The following BIRC6 variants were observed in gnomAD, a reference collection of about 807,000 sequenced individuals.
BIRC6 encodes the protein baculoviral IAP repeat containing 6.
Under a neutral mutation model 503.3 loss-of-function variants are expected in BIRC6, and 98 were observed. The ratio of observed to expected loss-of-function variants is 0.19; its 90% CI spans 0.17 to 0.23. The LOEUF (loss-of-function observed/expected upper bound fraction) is 0.23, where lower values mean the gene tolerates loss of function less well. Ranked by LOEUF, BIRC6 falls within the 10% of genes least tolerant of loss-of-function variation. The pLI, the probability that BIRC6 is intolerant of heterozygous loss-of-function variation, is 1.00. For missense variants in BIRC6, 5,360 were observed against 5,806.0 expected (o/e 0.92, Z 2.50); for synonymous variants, 2,240 against 2,078.7 (o/e 1.08, Z -2.11).
chr2:32,581,575 C>T (rs1435950831), intron 66 of BIRC6, among the ~76,000 whole-genome samples: 1 of 152,012 alleles, frequency 6.6e-6, no homozygotes, highest in African/African-American at 2.4e-5. Flanking sequence ...TTCAAATTAC[C>T]CCCATAGCGG....
chr2:32,587,162 A>G (rs1559111226), intron 66 of BIRC6, among the ~76,000 whole-genome samples: 1 of 152,160 alleles, frequency 6.6e-6, no homozygotes, highest in Non-Finnish European at 1.5e-5. Context: ...GCTGTGGCAC[A>G]CAGATCATGA....
chr2:32,440,779 T>G (rs1261918641), intron 16 of BIRC6, among the ~76,000 whole-genome samples: 1 of 151,010 alleles, frequency 6.6e-6, no homozygotes, highest in Non-Finnish European at 1.5e-5. Flanking sequence ...ATTATTATTA[T>G]TGAGTCAGAG....
At chr2:32,537,698 G>A (rs1461650147) in intron 61 of BIRC6, among the ~76,000 whole-genome samples, 1 of 152,172 alleles carries the variant, frequency 6.6e-6, no homozygotes, top group Non-Finnish European at 1.5e-5. Context: ...CGGGCGCAGT[G>A]GCTCAAGCCT....
In BIRC6 at chr2:32,529,803, A is replaced by G; in HGVS notation, c.12073A>G (p.Lys4025Glu). 1 of 1,610,254 alleles carries G rather than the reference A, an allele frequency of 6.2e-7. No individual in the cohort carries two copies. The highest frequency in any genetic ancestry group is 1.1e-5 in the South Asian group (1 of 90,452). ...DPSLSKTDSY[K>E]RLHPEKDHGD... ...CAGTCTATCAAAAACAGATTCTTAT[A>G]AAAGACTACACCCTGAAAAAGGTAT... The change falls in exon 60 of 74, where the codon AAA becomes GAA. Residue 4025 changes from lysine (K) to glutamate (E), a missense_variant. Lys to Glu is a moderately conservative substitution (Grantham distance 56). Around this residue, in one of 16 missense-constraint regions of BIRC6, gnomAD observed 878 missense variants for 928.9 expected, o/e 0.95. Coordinates refer to ENST00000421745, the MANE Select transcript of BIRC6 (RefSeq NM_016252.4).
chr2:32,431,190 T>C (rs1419605482), intron 12 of BIRC6, 100 bp downstream of exon 12: 1 of 492,036 alleles, frequency 2.0e-6, no homozygotes, highest in Admixed American at 4.6e-5. Flanking sequence ...TCTTTTTTTT[T>C]TTTTTTTTTT....
chr2:32,522,934 T>G (rs754269110), intron 57 of BIRC6: 1 of 152,182 alleles, frequency 6.6e-6, no homozygotes, highest in Non-Finnish European at 1.5e-5. Flanking sequence ...ACATCCTCAG[T>G]CTAGGGTGAC....
At chr2:32,509,602 C>T in intron 51 of BIRC6, 136 bp from the exon 52 acceptor site, 1 of 968,058 alleles carries the variant, frequency 1.0e-6, no homozygotes. Context: ...TAATTTGCAG[C>T]ATTCTAAAAA....
At chr2:32,379,423 C>A (rs1434470905) in intron 2 of BIRC6, 1 of 152,170 alleles carries the variant, frequency 6.6e-6, no homozygotes, top group East Asian at 1.9e-4. Context: ...CACTTATTAA[C>A]TCTCAAGTCA....
At chr2:32,392,265 C>A in intron 5 of BIRC6, 115 bp downstream of exon 5, 1 of 714,290 alleles carries the variant, frequency 1.4e-6, no homozygotes, top group Non-Finnish European at 2.3e-6. Flanking sequence ...TGTATGCTTG[C>A]TTGTATGCAT....
intron 50 of BIRC6, among the ~76,000 whole-genome samples, chr2:32,506,846 G>C (rs759831464): frequency 6.6e-6 from 1 of 152,062 alleles, no homozygotes; most frequent in Non-Finnish European, 1.5e-5. Context: ...TTTTTGCTAT[G>C]TCTGCTTGTG....
chr2:32,366,840 G>A (rs991691108), intron 1 of BIRC6, among the ~76,000 whole-genome samples: 8 of 152,060 alleles, frequency 5.3e-5, no homozygotes, highest in Admixed American at 3.9e-4. Flanking sequence ...AAATTAGCTG[G>A]GTGTGGTGGT....
intron 3 of BIRC6, among the ~76,000 whole-genome samples, chr2:32,386,742 C>G (rs2038530691): frequency 6.6e-6 from 1 of 152,094 alleles, no homozygotes; most frequent in Non-Finnish European, 1.5e-5. Flanking sequence ...TGCCCAACCT[C>G]AAATCTTTTA....
chr2:32,499,741 G>T lies in BIRC6; in HGVS notation c.8663G>T (p.Gly2888Val), dbSNP rs2052930124. ...AGAAGTGGATCAGATAGCTCCGTGG[G>T]TGCTCGAGCATGCTTTGGGGGACTC... ...MSRSGSDSSV[G>V]ARACFGGLFA... Residue 2888 changes from glycine to valine, a missense_variant, in exon 46 of 74, where the codon GGT (glycine) becomes GTT (valine). By Grantham distance (109) the Gly-to-Val change is moderately radical. Coordinates refer to ENST00000421745, the MANE Select transcript of BIRC6 (RefSeq NM_016252.4). The T allele has an allele frequency of 1.2e-6, 2 of 1,613,990 alleles. No homozygotes were observed. The highest frequency in any genetic ancestry group is 2.2e-5 in the East Asian group (1 of 44,894).
rs2038846497 is a variant in BIRC6, at chr2:32,388,859, C to T, written c.755C>T (p.Ala252Val). 2 of 1,613,224 alleles carry T rather than the reference C, an allele frequency of 1.2e-6. No homozygotes were observed. The highest frequency in any genetic ancestry group is 1.1e-5 in the South Asian group (1 of 90,948). ...INQNVAALPV[A>V]SSVMDRLSYL... ...CAAAATGTTGCTGCCTTACCTGTGG[C>T]GTCCTCAGTGATGGACAGATTGTCT... is the stretch of plus-strand genomic sequence containing the variant. Residue 252 changes from alanine to valine, a missense_variant, in exon 4 of 74, where the codon GCG (alanine) becomes GTG (valine). Around this residue, in one of 16 missense-constraint regions of BIRC6, gnomAD observed 134 missense variants for 150.9 expected, o/e 0.89. Transcript: ENST00000421745.
chr2:32,425,171 G>T lies in BIRC6; in HGVS notation c.2873-3975G>T, dbSNP rs573168321. On this transcript the variant is annotated intron_variant, in intron 10 of 73. Transcript: ENST00000421745. ...ATTCATATCTTAATAGATATGATTTGCAAATACTTACTTTCTCATATTCTG... is the reference window on the plus strand; with the variant it reads ...ATTCATATCTTAATAGATATGATTTTCAAATACTTACTTTCTCATATTCTG... Among the ~76,000 whole-genome samples, 3 of 150,294 alleles carry T rather than the reference G, an allele frequency of 2.0e-5. No homozygotes were observed. In the East Asian group the frequency reaches 5.8e-4, roughly 29 times the overall value.
chr2:32,530,196 G>GT (rs1340966788), intron 60 of BIRC6, among the ~76,000 whole-genome samples: 1 of 151,986 alleles, frequency 6.6e-6, no homozygotes, highest in Non-Finnish European at 1.5e-5. Context: ...ACATATTTTT[G>GT]TTTTTTACTT....
intron 9 of BIRC6, among the ~76,000 whole-genome samples, chr2:32,412,587 C>T (rs1419783532): frequency 1.3e-5 from 2 of 151,372 alleles, no homozygotes; most frequent in South Asian, 2.1e-4. Context: ...TAAAGATTAG[C>T]AGATAATACA....
intron 1 of BIRC6, among the ~76,000 whole-genome samples, chr2:32,365,798 A>G (rs1006737451): frequency 1.4e-4 from 21 of 152,136 alleles, no homozygotes; most frequent in Admixed American, 7.9e-4. Flanking sequence ...GCTTGGTTGC[A>G]GTATTAATTA....
intron 45 of BIRC6, among the ~76,000 whole-genome samples, chr2:32,497,313 T>G (rs1481086510): frequency 6.6e-6 from 1 of 152,214 alleles, no homozygotes; most frequent in Non-Finnish European, 1.5e-5. Flanking sequence ...CAAGTTTGAT[T>G]TTTTTTGCTA....
Sources: allele counts gnomAD v4.1 joint callset (sites outside exome capture counted in the v4.1 genomes callset), GRCh38; gene constraint gnomAD v4.1.1; regional missense constraint gnomAD v4.1.1; transcripts MANE v1.5; gene names NCBI Gene and HGNC (gene_info 2026-07-23, HGNC 2026-07-21).